JAK2: variants seen among roughly 807,000 people sequenced by gnomAD.
JAK2 encodes tyrosine-protein kinase JAK2.
In JAK2, 86 loss-of-function variants were observed where a neutral mutation model predicts 139.3. The ratio of observed to expected loss-of-function variants is 0.62; its 90% CI spans 0.52 to 0.74. The LOEUF is 0.74. Among genes scored for constraint, JAK2 ranks in the 30% least tolerant of loss-of-function variants. The pLI is 0.00. For synonymous variants in JAK2, 490 were observed against 437.7 expected (o/e 1.12, Z -1.49); for missense variants, 1,421 against 1,360.3 (o/e 1.04, Z -0.70).
chr9:5,021,852 C>T, intron 2 of JAK2, 111 bp from the exon 3 acceptor site: 1 of 623,322 alleles, frequency 1.6e-6, no homozygotes, highest in African/African-American at 1.8e-5. Flanking sequence ...AGGCTTGTCT[C>T]CAACTTCTGG....
intron 8 of JAK2, among the ~76,000 whole-genome samples, chr9:5,061,767 G>T (rs1208808010): frequency 6.6e-6 from 1 of 152,188 alleles, no homozygotes; most frequent in Non-Finnish European, 1.5e-5. Context: ...TGCCTTTTTA[G>T]TGCAAGAGGC....
At chr9:5,057,884 C>G (rs78081402) in intron 8 of JAK2, among the ~76,000 whole-genome samples, 11,742 of 151,996 alleles carry the variant, frequency 0.077, 1,330 homozygotes, top group African/African-American at 0.25. Context: ...CCCAGCCCCT[C>G]TACTTTCTTA....
chr9:5,094,437 A>G (rs547908451), intron 22 of JAK2: 1 of 152,244 alleles, frequency 6.6e-6, no homozygotes, highest in African/African-American at 2.4e-5. Flanking sequence ...GATCAGGATA[A>G]GCATCCAATT....
At chr9:5,023,553 G>A (rs527363868) in intron 3 of JAK2, among the ~76,000 whole-genome samples, 1 of 152,278 alleles carries the variant, frequency 6.6e-6, no homozygotes, top group East Asian at 1.9e-4. Flanking sequence ...TCTCTCCTGT[G>A]ACTAAAATTC....
At chr9:5,031,844 G>A (rs774227052) in intron 4 of JAK2, among the ~76,000 whole-genome samples, 4 of 152,208 alleles carry the variant, frequency 2.6e-5, no homozygotes, top group Admixed American at 6.5e-5. Context: ...TGCAGAAGAC[G>A]GGTGATTTCT....
chr9:5,032,257 A>C (rs577770824), intron 4 of JAK2, among the ~76,000 whole-genome samples: 1 of 152,358 alleles, frequency 6.6e-6, no homozygotes, highest in African/African-American at 2.4e-5. Flanking sequence ...CAGGAAGCTC[A>C]AACTGGGTGG....
intron 5 of JAK2, among the ~76,000 whole-genome samples, chr9:5,049,507 A>G (rs1383217200): frequency 6.6e-6 from 1 of 152,218 alleles, no homozygotes; most frequent in African/African-American, 2.4e-5. Context: ...CAAATCTTCC[A>G]TGAAACCCTC....
chr9:5,128,518 A>AAACTT lies in JAK2; in HGVS notation c.*1732_*1736dup, dbSNP rs1219960980. Among the ~76,000 whole-genome samples, 6 of 151,872 alleles carry AAACTT rather than the reference A, an allele frequency of 4.0e-5. No individual in the cohort carries two copies. Among genetic ancestry groups the AAACTT allele is most frequent in the African/African-American group, 1.2e-4 (5 of 41,450 alleles). On this transcript the variant is annotated 3_prime_UTR_variant, in exon 25 of 25. Coordinates refer to ENST00000381652, the MANE Select transcript of JAK2 (RefSeq NM_004972.4). ...TGCTTGATTTCAGATTTTCATACTA[A>AAACTT]AACTTAACTACATACTTAAAAGTAG...
intron 4 of JAK2, 57 bp from the exon 5 acceptor site, chr9:5,044,346 A>G: frequency 9.8e-7 from 1 of 1,017,958 alleles, no homozygotes; most frequent in Admixed American, 1.7e-5. Flanking sequence ...ATATATAGAT[A>G]GTACGTTTGT....
intron 22 of JAK2, chr9:5,110,871 G>A (rs1242091422): frequency 9.8e-6 from 5 of 512,132 alleles, no homozygotes; most frequent in Non-Finnish European, 1.9e-5. Flanking sequence ...GCCGCGCCCA[G>A]CAGGGTTTCC....
chr9:5,048,249 C>T (rs561208593), intron 5 of JAK2, among the ~76,000 whole-genome samples: 101 of 152,176 alleles, frequency 6.6e-4, no homozygotes, highest in Non-Finnish European at 1.0e-3. Context: ...TCAAGTGATT[C>T]TCCTGACTCA....
At chr9:5,052,357 A>C (rs1817473405) in intron 6 of JAK2, among the ~76,000 whole-genome samples, 1 of 152,068 alleles carries the variant, frequency 6.6e-6, no homozygotes, top group Non-Finnish European at 1.5e-5. Context: ...TGATTCTTTT[A>C]ACTCATGCTC....
chr9:5,083,516 T>C (rs930301252), intron 19 of JAK2, among the ~76,000 whole-genome samples: 2 of 152,244 alleles, frequency 1.3e-5, no homozygotes, highest in Non-Finnish European at 2.9e-5. Flanking sequence ...ATAGCATTTA[T>C]TGTTTCTTTT....
At chr9:5,010,430 C>T (rs554283540) in intron 2 of JAK2, among the ~76,000 whole-genome samples, 18 of 152,180 alleles carry the variant, frequency 1.2e-4, no homozygotes, top group Admixed American at 3.3e-4. Flanking sequence ...AAGCAATTCT[C>T]CTGCCTCAGC....
intron 4 of JAK2, among the ~76,000 whole-genome samples, chr9:5,034,300 T>C (rs1823397654): frequency 6.6e-6 from 1 of 152,050 alleles, no homozygotes; most frequent in African/African-American, 2.4e-5. Context: ...TGGGAGACTT[T>C]AACACCCCAC....
At chr9:5,039,280 T>A (rs1816310346) in intron 4 of JAK2, among the ~76,000 whole-genome samples, 1 of 152,068 alleles carries the variant, frequency 6.6e-6, no homozygotes, top group Non-Finnish European at 1.5e-5. Context: ...AGATTGAAAA[T>A]ACTTGGAAAA....
chr9:5,111,177 T>C (rs1822481180), intron 22 of JAK2: 5 of 710,572 alleles, frequency 7.0e-6, no homozygotes, highest in Admixed American at 6.3e-5. Flanking sequence ...GCAGCCACTC[T>C]CCATTCACAT....
In JAK2 at chr9:5,025,721, C is replaced by T. The variant is rs140069664; in HGVS notation, c.226+3508C>T. On this transcript the variant is annotated intron_variant, in intron 3 of 24. Coordinates refer to ENST00000381652, the MANE Select transcript of JAK2 (RefSeq NM_004972.4). ...CTAATTTTTGTATTTTTGGTAGAGA[C>T]GGGGTTTGCCATGTTGGCCAAGCTT... is the stretch of plus-strand genomic sequence containing the variant. 1.6e-3 allele frequency among the ~76,000 whole-genome samples: 236 copies of T among 152,052 alleles called. 1 individual carries two copies. Among genetic ancestry groups the T allele is most frequent in the South Asian group, 0.014 (66 of 4,812 alleles).
chr9:5,088,307 G>A (rs1040377714), intron 19 of JAK2, among the ~76,000 whole-genome samples: 1 of 151,984 alleles, frequency 6.6e-6, no homozygotes, highest in Non-Finnish European at 1.5e-5. Flanking sequence ...GAGCCTACAT[G>A]GTCTAGGTTT....
Sources: gnomAD v4.1 joint callset for allele counts (sites outside exome capture counted in the v4.1 genomes callset) on GRCh38, gnomAD v4.1.1 for gene constraint, MANE v1.5 for transcripts, NCBI Gene and HGNC (gene_info 2026-07-23, HGNC 2026-07-21) for gene names.